TAFA1: variants seen among roughly 807,000 people sequenced by gnomAD.
TAFA1 encodes chemokine-like protein TAFA-1.
A neutral mutation model predicts 18.5 loss-of-function variants in TAFA1; 4 were observed. That is an observed-to-expected ratio of 0.22 (90% confidence interval 0.11 to 0.49). TAFA1 has a LOEUF of 0.49. TAFA1 is among the 20% of genes least tolerant of loss of function. The probability of loss-of-function intolerance (pLI) is 0.98; values close to 1 mark genes in which losing one functional copy is unlikely to be tolerated. For missense variants in TAFA1, 147 were observed against 169.0 expected (o/e 0.87, Z 0.72); for synonymous variants, 56 against 55.2 (o/e 1.01, Z -0.06).
intron 2 of TAFA1, among the ~76,000 whole-genome samples, chr3:68,107,039 AAT>A (rs1325651375): frequency 2.0e-5 from 3 of 152,160 alleles, no homozygotes; most frequent in African/African-American, 7.2e-5. Context: ...TATAAAGTAA[AAT>A]ACAGATTTAC....
chr3:68,492,788 C>T (rs887365495), intron 3 of TAFA1, among the ~76,000 whole-genome samples: 2 of 152,138 alleles, frequency 1.3e-5, no homozygotes, highest in East Asian at 1.9e-4. Flanking sequence ...GACATTTTCA[C>T]CTTCAAAATC....
At chr3:68,401,368 C>T (rs2070486372) in intron 2 of TAFA1, among the ~76,000 whole-genome samples, 1 of 152,156 alleles carries the variant, frequency 6.6e-6, no homozygotes, top group South Asian at 2.1e-4. Flanking sequence ...TACACTTGTA[C>T]CTCATGGCTC....
intron 2 of TAFA1, among the ~76,000 whole-genome samples, chr3:68,171,289 A>T (rs2066050274): frequency 1.3e-5 from 2 of 152,188 alleles, no homozygotes; most frequent in Admixed American, 1.3e-4. Context: ...GAAGGTAGAC[A>T]GCCTCTAGAA....
At chr3:68,180,050 G>A (rs1389991975) in intron 2 of TAFA1, among the ~76,000 whole-genome samples, 2 of 40,938 alleles carry the variant, frequency 4.9e-5, no homozygotes, top group African/African-American at 2.0e-4. Flanking sequence ...TTATTTGAGA[G>A]GGAGTCTTAC....
chr3:68,233,561 C>T (rs768037530), intron 2 of TAFA1, among the ~76,000 whole-genome samples: 2 of 152,114 alleles, frequency 1.3e-5, no homozygotes, highest in Non-Finnish European at 2.9e-5. Context: ...GTGATACCTC[C>T]AGTTTTGTCC....
chr3:68,065,722 GTGTGTA>G (rs1488079671), intron 2 of TAFA1, among the ~76,000 whole-genome samples: 1 of 80,302 alleles, frequency 1.2e-5, no homozygotes, highest in African/African-American at 5.5e-5. Context: ...ATAGATGTTT[GTGTGTA>G]TGTGTGTGTG....
intron 2 of TAFA1, among the ~76,000 whole-genome samples, chr3:68,270,187 G>A (rs1315576451): frequency 3.3e-5 from 5 of 152,082 alleles, no homozygotes; most frequent in Non-Finnish European, 7.4e-5. Flanking sequence ...AACTGATTGC[G>A]CCACTGGAGC....
chr3:68,274,615 G>A (rs1329909759), intron 2 of TAFA1, among the ~76,000 whole-genome samples: 1 of 152,272 alleles, frequency 6.6e-6, no homozygotes. Context: ...CCACTGGGAG[G>A]ACTTTGGAGC....
At chr3:68,533,574 G>A (rs766572039) in intron 3 of TAFA1, among the ~76,000 whole-genome samples, 26 of 152,136 alleles carry the variant, frequency 1.7e-4, no homozygotes, top group South Asian at 8.3e-4. Context: ...AGTAAAGTAT[G>A]GATTCGCCTT....
chr3:68,159,478 C>T (rs2065901218), intron 2 of TAFA1, among the ~76,000 whole-genome samples: 1 of 152,168 alleles, frequency 6.6e-6, no homozygotes, highest in African/African-American at 2.4e-5. Context: ...TGAGTATCCC[C>T]ATTTTTCTAA....
chr3:68,149,335 C>G (rs2065779057), intron 2 of TAFA1, among the ~76,000 whole-genome samples: 1 of 152,120 alleles, frequency 6.6e-6, no homozygotes, highest in African/African-American at 2.4e-5. Flanking sequence ...GAAATGAAGG[C>G]ACAAGGTCTA....
At chr3:68,387,063 T>A (rs984592952) in intron 2 of TAFA1, among the ~76,000 whole-genome samples, 5 of 151,962 alleles carry the variant, frequency 3.3e-5, no homozygotes, top group Non-Finnish European at 2.9e-5. Context: ...AATTTTATTT[T>A]TTTTTTTGGT....
intron 2 of TAFA1, among the ~76,000 whole-genome samples, chr3:68,140,660 C>G (rs2065658289): frequency 6.6e-6 from 1 of 152,124 alleles, no homozygotes; most frequent in South Asian, 2.1e-4. Context: ...TGATGGCTAC[C>G]TCATGGAGTT....
chr3:68,326,638 A>G (rs967816097), intron 2 of TAFA1, among the ~76,000 whole-genome samples: 4 of 152,206 alleles, frequency 2.6e-5, no homozygotes, highest in African/African-American at 9.6e-5. Flanking sequence ...TTGAAAGAAT[A>G]CATACATTTT....
chr3:68,173,030 AG>A (rs2106963586), intron 2 of TAFA1, among the ~76,000 whole-genome samples: 1 of 152,248 alleles, frequency 6.6e-6, no homozygotes, highest in African/African-American at 2.4e-5. Context: ...GGAAAATCTG[AG>A]GATTTTTTTT....
intron 2 of TAFA1, among the ~76,000 whole-genome samples, chr3:68,300,304 A>G (rs2068280011): frequency 1.3e-5 from 2 of 152,332 alleles, no homozygotes; most frequent in South Asian, 4.1e-4. Flanking sequence ...GGGGACTTTA[A>G]TAATGACTGC....
the TAFA1 span, among the ~76,000 whole-genome samples, chr3:67,995,814 A>G: frequency 6.6e-6 from 1 of 152,152 alleles, no homozygotes; most frequent in African/African-American, 2.4e-5. Flanking sequence ...ACACATACAG[A>G]CACATCATCT....
chr3:68,056,303 A>G lies in TAFA1; in HGVS notation c.118+49559A>G, dbSNP rs759011721. On this transcript the variant is annotated intron_variant, in intron 2 of 4. Coordinates refer to ENST00000478136, the MANE Select transcript of TAFA1 (RefSeq NM_213609.4). ...ACTTTGAGTTCCAACCTGAGTTCTC[A>G]GGTTTTAGTACTGAAAGTCCCACAT... Among the ~76,000 whole-genome samples, 9 of 152,252 alleles carry G rather than the reference A, an allele frequency of 5.9e-5. No individual in the cohort carries two copies. The East Asian group carries it at 1.7e-3, about 30-fold the overall frequency.
intron 3 of TAFA1, among the ~76,000 whole-genome samples, chr3:68,512,263 A>G (rs112271545): frequency 0.015 from 2,227 of 152,276 alleles, 45 homozygotes; most frequent in African/African-American, 0.05. Context: ...GCTTCCCACA[A>G]TATAGAACTG....
Sources: allele counts gnomAD v4.1 joint callset (sites outside exome capture counted in the v4.1 genomes callset), GRCh38; gene constraint gnomAD v4.1.1; transcripts MANE v1.5; gene names NCBI Gene and HGNC (gene_info 2026-07-23, HGNC 2026-07-21).